SH3RF3: variants seen among roughly 807,000 people sequenced by gnomAD.
SH3RF3 encodes the protein E3 ubiquitin-protein ligase SH3RF3.
A neutral mutation model predicts 66.3 loss-of-function variants in SH3RF3; 29 were observed. That is an observed-to-expected ratio of 0.44 (90% CI 0.33 to 0.60). The LOEUF (loss-of-function observed/expected upper bound fraction) is 0.60. SH3RF3 is among the 20% of genes least tolerant of loss of function. SH3RF3 has a pLI of 0.04. For synonymous variants in SH3RF3, 583 were observed against 532.0 expected (o/e 1.10, Z -1.32); for missense variants, 1,194 against 1,190.9 (o/e 1.00, Z -0.04).
intron 1 of SH3RF3, among the ~76,000 whole-genome samples, chr2:109,319,396 C>T (rs1430303): frequency 0.31 from 47,288 of 152,106 alleles, 9,084 homozygotes; most frequent in African/African-American, 0.54. Flanking sequence ...AGTGGGGTCC[C>T]GGGGATCACC....
chr2:109,345,098 C>T (rs1221556742), intron 1 of SH3RF3, among the ~76,000 whole-genome samples: 1 of 152,182 alleles, frequency 6.6e-6, no homozygotes, highest in African/African-American at 2.4e-5. Context: ...GTGTGTCTCG[C>T]AGTGTCTCTG....
At chr2:109,223,042 G>T (rs1228445250) in intron 1 of SH3RF3, among the ~76,000 whole-genome samples, 2 of 152,226 alleles carry the variant, frequency 1.3e-5, no homozygotes, top group Non-Finnish European at 2.9e-5. Flanking sequence ...CCATCAGATG[G>T]TGTGATCCCA....
At chr2:109,407,000 G>A (rs547153245) in intron 4 of SH3RF3, among the ~76,000 whole-genome samples, 6 of 152,324 alleles carry the variant, frequency 3.9e-5, no homozygotes, top group Non-Finnish European at 7.4e-5. Context: ...AGGAAGAGAC[G>A]ACACCTTTCC....
chr2:109,493,111 A>G (rs1355200647), intron 9 of SH3RF3, among the ~76,000 whole-genome samples: 1 of 151,506 alleles, frequency 6.6e-6, no homozygotes, highest in African/African-American at 2.4e-5. Flanking sequence ...TACACCACAG[A>G]TACATCATAT....
intron 1 of SH3RF3, among the ~76,000 whole-genome samples, chr2:109,145,897 T>C (rs756904243): frequency 1.3e-5 from 2 of 152,124 alleles, no homozygotes; most frequent in Non-Finnish European, 2.9e-5. Flanking sequence ...GCTATGGGTG[T>C]GCGTGGAGCC....
In SH3RF3 at chr2:109,173,574, C is replaced by T. The variant is rs185609217; in HGVS notation, c.573+43461C>T. Reference sequence around the variant, plus strand: ...GCTCTAACAGCAGAGCTGGTGGCTGCGGGGAAGGCCACACAGACCCCGCAG... The same window carrying T: ...GCTCTAACAGCAGAGCTGGTGGCTGTGGGGAAGGCCACACAGACCCCGCAG... On this transcript the variant is annotated intron_variant, in intron 1 of 9. Transcript: ENST00000309415. Among the ~76,000 whole-genome samples the T allele has an allele frequency of 8.5e-5, 13 of 152,232 alleles. No individual in the cohort carries two copies. In the East Asian group the frequency reaches 1.7e-3, roughly 20 times the overall value.
intron 5 of SH3RF3, among the ~76,000 whole-genome samples, chr2:109,420,775 T>C (rs1029526863): frequency 1.3e-5 from 2 of 152,096 alleles, no homozygotes; most frequent in African/African-American, 2.4e-5. Flanking sequence ...AAAAAAGTAT[T>C]TTGAAGAGCA....
chr2:109,129,639 TCGGGCGGCGGCCACCGCCGCGGGGG>T lies in SH3RF3; in HGVS notation c.106_130del (p.Ala36ArgfsTer226), dbSNP rs1676634234. The T allele has an allele frequency of 4.0e-6, 6 of 1,495,114 alleles. No homozygotes were observed. The highest frequency in any genetic ancestry group is 1.3e-5 in the South Asian group (1 of 78,946). The allele number at this position is 1,495,114 out of a possible 1,614,324, so 92.6% of individuals were successfully genotyped here. ...ACAGGCCAGGCGAGCGACGGCGGCG[TCGGGCGGCGGCCACCGCCGCGGGGG>T]CGGGCGAGGACATGGACGAGTCGTC... On this transcript the variant is annotated frameshift_variant, in exon 1 of 10. Transcript: ENST00000309415. LOFTEE classifies it high-confidence loss of function.
intron 2 of SH3RF3, among the ~76,000 whole-genome samples, chr2:109,357,972 G>T (rs1305549038): frequency 6.6e-6 from 1 of 152,118 alleles, no homozygotes; most frequent in Non-Finnish European, 1.5e-5. Context: ...TCTACTGATG[G>T]AGATGTCATG....
chr2:109,177,066 A>G (rs1677933010), intron 1 of SH3RF3, among the ~76,000 whole-genome samples: 1 of 152,190 alleles, frequency 6.6e-6, no homozygotes, highest in Non-Finnish European at 1.5e-5. Flanking sequence ...TTACATTTAA[A>G]TGTTCCAGAG....
Position 109,449,217 on chromosome 2 carries a change from T to C in SH3RF3, c.1876T>C (p.Ser626Pro), listed in dbSNP as rs1305250240. The change falls in exon 8 of 10, where the codon TCA (serine) becomes CCA (proline). Residue 626 changes from serine to proline, a missense_variant. Physicochemically the swap from Ser to Pro is moderately conservative, Grantham distance 74 (BLOSUM62 -1). Transcript: ENST00000309415. The part of the protein sequence containing the change: ...QAQDRPTATV[S>P]PLRTQNSPSR... ...TCAGGACCGGCCAACTGCCACCGTGTCACCCCTGCGCACCCAGAACTCTCC... is the reference window on the plus strand; with the variant it reads ...TCAGGACCGGCCAACTGCCACCGTGCCACCCCTGCGCACCCAGAACTCTCC... 6.2e-7 allele frequency: 1 copy of C among 1,613,432 alleles called. No individual in the cohort carries two copies. The highest frequency in any genetic ancestry group is 1.3e-5 in the African/African-American group (1 of 74,896).
chr2:109,461,831 CCTA>C (rs1678214703), intron 8 of SH3RF3, among the ~76,000 whole-genome samples: 1 of 152,164 alleles, frequency 6.6e-6, no homozygotes, highest in Non-Finnish European at 1.5e-5. Context: ...TGTTCTAGGT[CCTA>C]CTCAAAACTA....
intron 1 of SH3RF3, among the ~76,000 whole-genome samples, chr2:109,316,007 A>G (rs1456311213): frequency 6.6e-6 from 1 of 152,238 alleles, no homozygotes; most frequent in East Asian, 1.9e-4. Context: ...ATGTGCATGC[A>G]TCAGGGGCTT....
At chr2:109,249,540 C>T (rs186271175) in intron 1 of SH3RF3, among the ~76,000 whole-genome samples, 2,717 of 79,042 alleles carry the variant, frequency 0.034, 51 homozygotes, top group Non-Finnish European at 0.04. Flanking sequence ...TCTTTCCTTC[C>T]TTCCTTCCTT....
chr2:109,144,041 C>T (rs1404433210), intron 1 of SH3RF3, among the ~76,000 whole-genome samples: 4 of 152,030 alleles, frequency 2.6e-5, no homozygotes, highest in African/African-American at 9.7e-5. Context: ...GGTTACGAGG[C>T]GCCGGAAGTG....
Position 109,152,906 on chromosome 2 carries a change from G to A in SH3RF3, c.573+22793G>A, listed in dbSNP as rs57853682. On this transcript the variant is annotated intron_variant, in intron 1 of 9. Transcript: ENST00000309415. The stretch of plus-strand genomic sequence containing the variant: ...TGCTCCTTGTTCTCGATGGAGGCAC[G>A]CAATTGAAAGCTTTAATCTCTGGGA... Among the ~76,000 whole-genome samples the A allele has an allele frequency of 1.3e-3, 191 of 152,276 alleles. 2 individuals carry two copies. The highest frequency in any genetic ancestry group is 6.8e-3 in the Middle Eastern group (2 of 294).
intron 1 of SH3RF3, among the ~76,000 whole-genome samples, chr2:109,315,253 A>G (rs752063599): frequency 6.6e-6 from 1 of 152,234 alleles, no homozygotes; most frequent in African/African-American, 2.4e-5. Context: ...ATAGTAAGGC[A>G]GAAAGACGTG....
At chr2:109,160,491 T>C (rs1436092855) in intron 1 of SH3RF3, among the ~76,000 whole-genome samples, 2 of 152,214 alleles carry the variant, frequency 1.3e-5, no homozygotes, top group African/African-American at 2.4e-5. Flanking sequence ...TGAAAGACCC[T>C]CTGGCAGGGA....
intron 1 of SH3RF3, among the ~76,000 whole-genome samples, chr2:109,223,698 C>T (rs936286988): frequency 6.6e-6 from 1 of 152,296 alleles, no homozygotes; most frequent in South Asian, 2.1e-4. Context: ...TGATGCTGCC[C>T]CAACGTGGAG....
Sources: allele counts gnomAD v4.1 joint callset (sites outside exome capture counted in the v4.1 genomes callset), GRCh38; gene constraint gnomAD v4.1.1; transcripts MANE v1.5; gene names NCBI Gene and HGNC (gene_info 2026-07-23, HGNC 2026-07-21).